The following COPG2 variants were observed in gnomAD, a reference collection of about 807,000 sequenced individuals.
The protein encoded by COPG2 is coatomer subunit gamma-2.
Under a neutral mutation model 46.3 loss-of-function variants are expected in COPG2, and 37 were observed. That is an observed-to-expected ratio of 0.80 (90% CI 0.61 to 1.05). The LOEUF (loss-of-function observed/expected upper bound fraction) is 1.05. Among genes scored for constraint, COPG2 ranks in the 50% least tolerant of loss-of-function variants. COPG2 has a pLI of 0.00. For synonymous variants in COPG2, 159 were observed against 129.7 expected (o/e 1.23, Z -1.53); for missense variants, 427 against 387.8 (o/e 1.10, Z -0.85).
At chr7:130,611,636 A>C (rs1794851120) in intron 8 of COPG2, among the ~76,000 whole-genome samples, 2 of 152,236 alleles carry the variant, frequency 1.3e-5, no homozygotes, top group South Asian at 4.1e-4. Context: ...TAGAAGTTAT[A>C]AACATCAAGA....
At chr7:130,597,999 C>G (rs1178607585) in intron 9 of COPG2, among the ~76,000 whole-genome samples, 2 of 152,154 alleles carry the variant, frequency 1.3e-5, no homozygotes, top group African/African-American at 4.8e-5. Context: ...ATGGGACAGA[C>G]AGCAGGCCCA....
intron 1 of COPG2, among the ~76,000 whole-genome samples, chr7:130,668,282 C>A (rs1554461773): frequency 1.3e-5 from 2 of 152,008 alleles, no homozygotes; most frequent in Non-Finnish European, 1.5e-5. Context: ...TCCGACCCTA[C>A]CAGCACCCCT....
At chr7:130,653,892 G>A (rs1420485624) in intron 4 of COPG2, among the ~76,000 whole-genome samples, 1 of 151,696 alleles carries the variant, frequency 6.6e-6, no homozygotes, top group Non-Finnish European at 1.5e-5. Flanking sequence ...ACACACATGG[G>A]GCAGATCAAA....
At chr7:130,647,012 T>C (rs13438312) in intron 5 of COPG2, among the ~76,000 whole-genome samples, 19,991 of 136,166 alleles carry the variant, frequency 0.15, 2,844 homozygotes, top group African/African-American at 0.38. Flanking sequence ...TATATATATG[T>C]ATATATATAT....
intron 20 of COPG2, among the ~76,000 whole-genome samples, chr7:130,541,572 T>C (rs1258185595): frequency 1.3e-5 from 2 of 151,548 alleles, no homozygotes; most frequent in African/African-American, 2.4e-5. Flanking sequence ...AAAGACAAAA[T>C]TGCTATGGTG....
At chr7:130,576,148 A>C (rs1793995550) in intron 9 of COPG2, among the ~76,000 whole-genome samples, 1 of 152,234 alleles carries the variant, frequency 6.6e-6, no homozygotes, top group Non-Finnish European at 1.5e-5. Context: ...CACTGACAGC[A>C]CTAGACAGGT....
chr7:130,614,304 C>T (rs1794908463), intron 6 of COPG2, among the ~76,000 whole-genome samples: 1 of 151,950 alleles, frequency 6.6e-6, no homozygotes, highest in Non-Finnish European at 1.5e-5. Flanking sequence ...CAATGTAATG[C>T]AAAAAATAAA....
intron 9 of COPG2, among the ~76,000 whole-genome samples, chr7:130,589,622 C>A (rs1255170288): frequency 5.9e-5 from 9 of 152,110 alleles, no homozygotes; most frequent in Non-Finnish European, 1.3e-4. Context: ...AATTACCTTA[C>A]AAAGTATTTC....
intron 20 of COPG2, among the ~76,000 whole-genome samples, chr7:130,513,341 A>ATATATATATATATATATGTG (rs1215646008): frequency 1.6e-4 from 8 of 51,544 alleles, no homozygotes; most frequent in Non-Finnish European, 3.1e-4. Flanking sequence ...ATATATATAT[A>ATATATATATATATATATGTG]TGTGTGTGTG....
chr7:130,603,746 A>AAT (rs1321142159), intron 9 of COPG2: 115 of 377,412 alleles, frequency 3.0e-4, no homozygotes, highest in African/African-American at 2.3e-3. Context: ...AAAAAAAAAA[A>AAT]TTTGCGGCAA....
intron 5 of COPG2, among the ~76,000 whole-genome samples, chr7:130,644,981 G>A (rs1336117687): frequency 6.6e-6 from 1 of 150,618 alleles, no homozygotes; most frequent in Non-Finnish European, 1.5e-5. Context: ...AGAATCGCTT[G>A]AACCCAGGAG....
At chr7:130,597,732 TG>T (rs1213691289) in intron 9 of COPG2, among the ~76,000 whole-genome samples, 2 of 152,202 alleles carry the variant, frequency 1.3e-5, no homozygotes, top group Non-Finnish European at 2.9e-5. Flanking sequence ...AACCCTGCTG[TG>T]TTCCAGGGGA....
intron 4 of COPG2, among the ~76,000 whole-genome samples, chr7:130,655,691 C>G (rs1373781738): frequency 3.3e-5 from 5 of 152,140 alleles, no homozygotes; most frequent in East Asian, 1.9e-4. Context: ...GAGAACTAGG[C>G]CTGTAATCTG....
At chr7:130,631,517 G>A (rs1359843779) in intron 5 of COPG2, among the ~76,000 whole-genome samples, 2 of 152,056 alleles carry the variant, frequency 1.3e-5, no homozygotes, top group Admixed American at 1.3e-4. Flanking sequence ...TATATGTTAT[G>A]ATTCTATTTA....
At chr7:130,638,286 G>C (rs1458476310) in intron 5 of COPG2, among the ~76,000 whole-genome samples, 2 of 152,164 alleles carry the variant, frequency 1.3e-5, no homozygotes, top group African/African-American at 2.4e-5. Flanking sequence ...TTCAGAGCCA[G>C]CAGGCAGGAA....
intron 20 of COPG2, among the ~76,000 whole-genome samples, chr7:130,523,234 G>C (rs1799740700): frequency 6.6e-6 from 1 of 151,760 alleles, no homozygotes; most frequent in Admixed American, 6.6e-5. Context: ...TATCTGAGGT[G>C]GGGGGTGGGT....
chr7:130,615,115 A>ACGG (rs1403385108), intron 6 of COPG2, among the ~76,000 whole-genome samples: 2 of 152,236 alleles, frequency 1.3e-5, no homozygotes. Context: ...GGTCATGGAT[A>ACGG]CGGTCCTTGG....
chr7:130,539,093 TAAG>T (rs1184987431), intron 20 of COPG2, among the ~76,000 whole-genome samples: 2 of 152,092 alleles, frequency 1.3e-5, no homozygotes, highest in East Asian at 1.9e-4. Context: ...AGGACCTGTG[TAAG>T]AAGAAGGTCT....
At chr7:130,607,686 C>CA in intron 9 of COPG2, 2 of 519,692 alleles carry the variant, frequency 3.8e-6, no homozygotes, top group South Asian at 2.8e-5. Context: ...TTTTGAGACT[C>CA]ATTCCTTTTA....
Sources: gnomAD v4.1 joint callset for allele counts (sites outside exome capture counted in the v4.1 genomes callset) on GRCh38, gnomAD v4.1.1 for gene constraint, MANE v1.5 for transcripts, NCBI Gene and HGNC (gene_info 2026-07-23, HGNC 2026-07-21) for gene names.